Variants in ITIH5 observed in about 807,000 individuals in gnomAD.
The protein encoded by ITIH5 is inter-alpha-trypsin inhibitor heavy chain 5.
In ITIH5, 65 loss-of-function variants were observed where a neutral mutation model predicts 77.5. The ratio of observed to expected loss-of-function variants is 0.84; its 90% CI spans 0.69 to 1.03. The LOEUF (loss-of-function observed/expected upper bound fraction) is 1.03, where lower values mean the gene tolerates loss of function less well. ITIH5 is among the 50% of genes least tolerant of loss of function. The probability of loss-of-function intolerance (pLI) is 0.00; values close to 1 mark genes in which losing one functional copy is unlikely to be tolerated. For missense variants in ITIH5, 1,208 were observed against 1,213.1 expected, an observed-to-expected ratio of 1.00 and a Z score of 0.06; for synonymous variants, 525 against 494.3, an observed-to-expected ratio of 1.06 and a Z score of -0.82.
At chr10:7,627,183 A>G (rs12245473) in intron 5 of ITIH5, among the ~76,000 whole-genome samples, 91,926 of 151,924 alleles carry the variant, frequency 0.61, 27,947 homozygotes, top group South Asian at 0.67. Flanking sequence ...AAAAGCTAAT[A>G]CATGCGGGGC....
chr10:7,644,322 C>CATATCACATATATATCACAT (rs1833936318), intron 2 of ITIH5, among the ~76,000 whole-genome samples: 1 of 147,010 alleles, frequency 6.8e-6, no homozygotes, highest in African/African-American at 2.5e-5. Flanking sequence ...ATATATCATA[C>CATATCACATATATATCACAT]ATATCACATA....
At chr10:7,631,720 C>T (rs918675665) in intron 5 of ITIH5, among the ~76,000 whole-genome samples, 11 of 151,954 alleles carry the variant, frequency 7.2e-5, no homozygotes, top group Non-Finnish European at 1.3e-4. Context: ...GAACAAAATA[C>T]ATTTTAACAA....
At chr10:7,637,094 T>A in intron 5 of ITIH5, 134 bp downstream of exon 5, 1 of 1,102,326 alleles carries the variant, frequency 9.1e-7, no homozygotes, top group Non-Finnish European at 1.3e-6. Flanking sequence ...TTCATTGCTA[T>A]CATTCCAGTT....
chr10:7,647,241 T>C (rs778879396), intron 2 of ITIH5, among the ~76,000 whole-genome samples: 1 of 152,224 alleles, frequency 6.6e-6, no homozygotes, highest in Non-Finnish European at 1.5e-5. Context: ...GGCCACACTG[T>C]TTGTAAATAA....
intron 5 of ITIH5, among the ~76,000 whole-genome samples, chr10:7,627,253 T>C (rs1450014479): frequency 2.7e-5 from 4 of 149,450 alleles, no homozygotes; most frequent in Non-Finnish European, 2.9e-5. Context: ...TGTATACCTA[T>C]GTAACAAACC....
chr10:7,636,521 C>G (rs544485241), intron 5 of ITIH5, among the ~76,000 whole-genome samples: 1 of 152,284 alleles, frequency 6.6e-6, no homozygotes, highest in East Asian at 1.9e-4. Context: ...CTTTTCTTCT[C>G]TGCCACATGC....
intron 7 of ITIH5, among the ~76,000 whole-genome samples, chr10:7,593,473 AGCCTGCAGCCACCCAGCCCCACTCAC>A (rs1832836543): frequency 1.3e-4 from 2 of 15,378 alleles, no homozygotes; most frequent in African/African-American, 2.8e-4. Context: ...TCACCCCTGC[AGCCTGCAGCCACCCAGCCCCACTCAC>A]CCCTGTAGAC....
At chr10:7,585,849 A>G (rs7073397) in intron 8 of ITIH5, 52 bp downstream of exon 8, 132 of 1,470,828 alleles carry the variant, frequency 9.0e-5, no homozygotes, top group Non-Finnish European at 9.5e-5. Flanking sequence ...AACCAAAAAA[A>G]AAAACATTAT....
chr10:7,644,771 ATATATATCACATATATAT>A lies in ITIH5; in HGVS notation c.136-2699_136-2682del, dbSNP rs1282108574. Among the ~76,000 whole-genome samples the A allele has an allele frequency of 1.8e-4, 26 of 142,504 alleles. 1 individual carries two copies. In the East Asian group the frequency reaches 2.8e-3, roughly 15 times the overall value. The allele number at this position is 142,504 out of a possible 152,430, so 93.5% of individuals were successfully genotyped here. On this transcript the variant is annotated intron_variant, in intron 2 of 13. Coordinates refer to ENST00000397146, the MANE Select transcript of ITIH5 (RefSeq NM_030569.7). ...ATATCACATATATCACATATATATCATATATATCACATATATATCATATATATCATATATATCACATAT... is the reference window on the plus strand; with the variant it reads ...ATATCACATATATCACATATATATCACATATATATCATATATATCACATAT...
At chr10:7,585,337 C>CT (rs1832649963) in intron 8 of ITIH5, among the ~76,000 whole-genome samples, 1 of 152,216 alleles carries the variant, frequency 6.6e-6, no homozygotes, top group Admixed American at 6.5e-5. Flanking sequence ...TCTCTCCTCT[C>CT]TTAACATTCT....
intron 2 of ITIH5, among the ~76,000 whole-genome samples, chr10:7,648,271 C>A (rs1834038296): frequency 6.6e-6 from 1 of 151,574 alleles, no homozygotes; most frequent in Non-Finnish European, 1.5e-5. Context: ...CACAGAGACA[C>A]CCTGGCTAAT....
At chr10:7,654,775 G>T (rs551933894) in intron 2 of ITIH5, among the ~76,000 whole-genome samples, 16 of 152,280 alleles carry the variant, frequency 1.1e-4, no homozygotes, top group Non-Finnish European at 2.2e-4. Flanking sequence ...TTATTAGCTT[G>T]TAAGTAGCTT....
chr10:7,575,886 G>A (rs910796447), intron 10 of ITIH5, among the ~76,000 whole-genome samples: 2 of 152,208 alleles, frequency 1.3e-5, no homozygotes, highest in African/African-American at 4.8e-5. Flanking sequence ...TTGATGGACT[G>A]ACTTCACTAG....
chr10:7,587,656 T>A (rs1832709280), intron 7 of ITIH5, among the ~76,000 whole-genome samples: 1 of 152,166 alleles, frequency 6.6e-6, no homozygotes, highest in Non-Finnish European at 1.5e-5. Flanking sequence ...AGAATCGAGA[T>A]GAAAAGGGCT....
Position 7,559,861 on chromosome 10 carries a change from TG to T in ITIH5, c.*3221del, listed in dbSNP as rs770828467. 7.1e-5 allele frequency: 30 copies of T among 424,156 alleles called. No homozygotes were observed. The highest frequency in any genetic ancestry group is 3.6e-4 in the African/African-American group (12 of 33,494). 26.3% of individuals were successfully genotyped at this position (424,156 alleles called of 1,614,324 possible). ...CCCATGTCTTTTTTTTGTTTTGTTT[TG>T]TTTTTTTTTGACGGAGTTTGGCTCT... On this transcript the variant is annotated 3_prime_UTR_variant, in exon 14 of 14. Transcript: ENST00000397146.
chr10:7,595,069 A>T (rs1258284929), intron 7 of ITIH5, among the ~76,000 whole-genome samples: 1 of 152,164 alleles, frequency 6.6e-6, no homozygotes, highest in Non-Finnish European at 1.5e-5. Flanking sequence ...GAGATCTTTT[A>T]AAAATTCCAG....
intron 1 of ITIH5, among the ~76,000 whole-genome samples, chr10:7,658,542 ACGTGCCCAGGG>A (rs1401182993): frequency 1.3e-5 from 2 of 152,200 alleles, no homozygotes; most frequent in East Asian, 3.9e-4. Flanking sequence ...TCCAGAGAAT[ACGTGCCCAGGG>A]TGTCGGGGCA....
intron 8 of ITIH5, among the ~76,000 whole-genome samples, chr10:7,584,673 T>C (rs1431846691): frequency 6.6e-6 from 1 of 152,162 alleles, no homozygotes; most frequent in Non-Finnish European, 1.5e-5. Flanking sequence ...ATCATTCTGC[T>C]AGTAAGCAGG....
At chr10:7,563,484 G>A in intron 13 of ITIH5, 100 bp from the exon 14 acceptor site, 1 of 1,089,292 alleles carries the variant, frequency 9.2e-7, no homozygotes. Context: ...CTTACAACTG[G>A]CCACAGCCCG....
Sources: allele counts gnomAD v4.1 joint callset (sites outside exome capture counted in the v4.1 genomes callset), GRCh38; gene constraint gnomAD v4.1.1; transcripts MANE v1.5; gene names NCBI Gene and HGNC (gene_info 2026-07-23, HGNC 2026-07-21).